The following MATR3 variants were observed in gnomAD, a reference collection of about 807,000 sequenced individuals.
The protein encoded by MATR3 is matrin 3.
In MATR3, 4 loss-of-function variants were observed where a neutral mutation model predicts 85.5. That is an observed-to-expected ratio of 0.05 (90% CI 0.02 to 0.11). The LOEUF is 0.11. Ranked by LOEUF, MATR3 falls within the 10% of genes least tolerant of loss-of-function variation. MATR3 has a pLI of 1.00. For missense variants in MATR3, 685 were observed against 1,016.1 expected, an observed-to-expected ratio of 0.67 and a Z score of 4.43; for synonymous variants, 336 against 343.1, an observed-to-expected ratio of 0.98 and a Z score of 0.23.
intron 1 of MATR3, among the ~76,000 whole-genome samples, chr5:139,302,092 T>C (rs1754475985): frequency 6.6e-6 from 1 of 152,170 alleles, no homozygotes; most frequent in Non-Finnish European, 1.5e-5. Context: ...TCTTTTCTAT[T>C]GTATGATGAC....
chr5:139,323,168 A>G (rs932071432), intron 12 of MATR3, among the ~76,000 whole-genome samples: 3 of 152,218 alleles, frequency 2.0e-5, no homozygotes, highest in Non-Finnish European at 4.4e-5. Context: ...GGCAAAAAAC[A>G]TCAGCTCAAA....
chr5:139,316,907 GA>G (rs1755275513), intron 5 of MATR3, 145 bp from the exon 6 acceptor site: 2 of 712,010 alleles, frequency 2.8e-6, no homozygotes, highest in African/African-American at 3.6e-5. Context: ...ATATTACACA[GA>G]AAAAACATTG....
At chr5:139,326,111 A>G in intron 13 of MATR3, 52 bp from the exon 14 acceptor site, 1 of 1,423,712 alleles carries the variant, frequency 7.0e-7, no homozygotes, top group East Asian at 2.3e-5. Flanking sequence ...AATTGTGAAT[A>G]CTAAATAAAA....
chr5:139,278,416 T>C, intron 2 of MATR3: 4 of 450,444 alleles, frequency 8.9e-6, no homozygotes. Context: ...CAGGTAAATA[T>C]CCCTATTCAT....
chr5:139,288,707 C>T (rs1170599674), intron 3 of MATR3, among the ~76,000 whole-genome samples: 1 of 152,100 alleles, frequency 6.6e-6, no homozygotes, highest in Admixed American at 6.6e-5. Flanking sequence ...GTGGCACAAT[C>T]TCAGCTCACT....
chr5:139,314,780 G>T, intron 3 of MATR3, 44 bp downstream of exon 3: 1 of 1,569,966 alleles, frequency 6.4e-7, no homozygotes, highest in South Asian at 1.1e-5. Flanking sequence ...TCGTGAATCA[G>T]AATCAGCCAT....
intron 1 of MATR3, 75 bp downstream of exon 1, chr5:139,293,880 G>T: frequency 2.4e-6 from 2 of 837,866 alleles, no homozygotes; most frequent in Non-Finnish European, 3.2e-6. Flanking sequence ...GGACAACGAC[G>T]GCGACAGGGG....
At chr5:139,314,610 G>A (rs1755153586) in intron 2 of MATR3, 65 bp from the exon 3 acceptor site, 3 of 1,322,634 alleles carry the variant, frequency 2.3e-6, no homozygotes, top group South Asian at 2.4e-5. Flanking sequence ...CCTAGAGTTT[G>A]AATGGTTCAG....
At chr5:139,276,169 G>A in intron 2 of MATR3, 1 of 456,736 alleles carries the variant, frequency 2.2e-6, no homozygotes, top group Non-Finnish European at 4.4e-6. Context: ...AACCCCTTCA[G>A]CTCTCTTGGC....
At chr5:139,314,995 A>C (rs964758130) in intron 3 of MATR3, 1 of 417,960 alleles carries the variant, frequency 2.4e-6, no homozygotes, top group African/African-American at 2.0e-5. Flanking sequence ...GGTGATTTTT[A>C]CTAGACATAG....
At chr5:139,304,439 G>A (rs2151951981) in intron 1 of MATR3, among the ~76,000 whole-genome samples, 1 of 151,708 alleles carries the variant, frequency 6.6e-6, no homozygotes, top group East Asian at 1.9e-4. Flanking sequence ...GGCAGAGGTT[G>A]CAGTGAGCTG....
rs1204915381 is a variant in MATR3, at chr5:139,325,511, C to T, written c.2220C>T (p.Asn740=). 5.6e-6 allele frequency: 9 copies of T among 1,614,030 alleles called. No individual in the cohort carries two copies. The highest frequency in any genetic ancestry group is 1.7e-5 in the Admixed American group (1 of 59,990). Residue 740 remains asparagine, a synonymous_variant, in exon 13 of 15, where the codon AAC becomes AAT. Transcript: ENST00000394805. ...AAAATGGAATTAAAAATGAGGAAAA[C>T]ACAGAACCAGGTGCTGAATCTTCTG... The part of the protein sequence containing the change: ...ALENGIKNEE[N]TEPGAESSEN...
Position 139,316,206 on chromosome 5 carries a change from A to G in MATR3, c.1129+18A>G, listed in dbSNP as rs191729484. ...AAATCTGGGTAATTATATAAAATTCATGTTACTTTTCCCTACAGAGCCGTT... is the reference window on the plus strand; with the variant it reads ...AAATCTGGGTAATTATATAAAATTCGTGTTACTTTTCCCTACAGAGCCGTT... On this transcript the variant is annotated intron_variant, in intron 5 of 14. Coordinates refer to ENST00000394805, the MANE Select transcript of MATR3 (RefSeq NM_018834.6). 1.3e-6 allele frequency: 2 copies of G among 1,539,436 alleles called. No individual in the cohort carries two copies. Among genetic ancestry groups the G allele is most frequent in the African/African-American group, 2.7e-5 (2 of 73,948 alleles).
intron 9 of MATR3, among the ~76,000 whole-genome samples, chr5:139,321,628 C>G (rs1296657649): frequency 6.6e-6 from 1 of 151,962 alleles, no homozygotes. Flanking sequence ...ACAAAAAATA[C>G]AAAAATTAGC....
chr5:139,276,688 G>T (rs76219323), intron 2 of MATR3, among the ~76,000 whole-genome samples: 1 of 152,058 alleles, frequency 6.6e-6, no homozygotes, highest in African/African-American at 2.4e-5. Flanking sequence ...AAAATAGACG[G>T]AAAAGTCACA....
chr5:139,281,766 A>AC (rs1348268613), intron 3 of MATR3, among the ~76,000 whole-genome samples: 1 of 152,178 alleles, frequency 6.6e-6, no homozygotes, highest in African/African-American at 2.4e-5. Context: ...GTAGCAGTAA[A>AC]CACAAGTGCC....
At chr5:139,298,668 T>A (rs1452961294) in intron 1 of MATR3, among the ~76,000 whole-genome samples, 1 of 152,104 alleles carries the variant, frequency 6.6e-6, no homozygotes, top group Non-Finnish European at 1.5e-5. Flanking sequence ...GCCTAGGAGT[T>A]GAGAGATTTT....
At chr5:139,324,066 G>A (rs1270193913) in intron 12 of MATR3, among the ~76,000 whole-genome samples, 1 of 152,008 alleles carries the variant, frequency 6.6e-6, no homozygotes, top group Non-Finnish European at 1.5e-5. Context: ...GTTTACATTT[G>A]TAAATGCTAA....
At chr5:139,320,170 G>C (rs1054456128) in intron 9 of MATR3, among the ~76,000 whole-genome samples, 11 of 151,650 alleles carry the variant, frequency 7.3e-5, no homozygotes, top group Admixed American at 2.0e-4. Context: ...TTAGCTGGGC[G>C]TGGTGGCGTG....
Sources: allele counts gnomAD v4.1 joint callset (sites outside exome capture counted in the v4.1 genomes callset), GRCh38; gene constraint gnomAD v4.1.1; transcripts MANE v1.5; gene names NCBI Gene and HGNC (gene_info 2026-07-23, HGNC 2026-07-21).